Variants in CMC1 observed in about 807,000 individuals in gnomAD.
CMC1 encodes COX assembly mitochondrial protein homolog.
In CMC1, 14 loss-of-function variants were observed where a neutral mutation model predicts 14.1. The ratio of observed to expected loss-of-function variants is 0.99; its 90% CI spans 0.66 to 1.55. The LOEUF (loss-of-function observed/expected upper bound fraction) is 1.55, where lower values mean the gene tolerates loss of function less well. CMC1 is among the 40% of genes most tolerant of loss of function. The pLI, the probability that CMC1 is intolerant of heterozygous loss-of-function variation, is 0.00. For synonymous variants in CMC1, 50 were observed against 38.4 expected (o/e 1.30, Z -1.12); for missense variants, 127 against 123.8 (o/e 1.03, Z -0.12).
chr3:28,300,428 G>A (rs529891693), intron 2 of CMC1, among the ~76,000 whole-genome samples: 1 of 152,156 alleles, frequency 6.6e-6, no homozygotes, highest in East Asian at 1.9e-4. Flanking sequence ...GATACAGTAG[G>A]GTTCCCCACC....
intron 1 of CMC1, among the ~76,000 whole-genome samples, chr3:28,245,365 T>G (rs1358156237): frequency 6.6e-6 from 1 of 152,234 alleles, no homozygotes; most frequent in African/African-American, 2.4e-5. Flanking sequence ...ATGATTATAT[T>G]CTCAGATGAT....
intron 1 of CMC1, among the ~76,000 whole-genome samples, chr3:28,251,887 A>T (rs1472278254): frequency 6.6e-6 from 1 of 152,180 alleles, no homozygotes; most frequent in Non-Finnish European, 1.5e-5. Context: ...GTCATTTATT[A>T]CTTTCTCAAA....
intron 2 of CMC1, among the ~76,000 whole-genome samples, chr3:28,275,011 T>A (rs1003897801): frequency 1.3e-5 from 2 of 152,190 alleles, no homozygotes; most frequent in Non-Finnish European, 2.9e-5. Context: ...TCATGGTCCT[T>A]AGCTTATTTG....
intron 1 of CMC1, among the ~76,000 whole-genome samples, chr3:28,254,929 A>T (rs1699314609): frequency 6.6e-6 from 1 of 152,220 alleles, no homozygotes; most frequent in African/African-American, 2.4e-5. Flanking sequence ...TTGTGGAGAT[A>T]GTCTCAGTTT....
chr3:28,319,331 A>C (rs1195113630), intron 3 of CMC1, 178 bp from the exon 4 acceptor site: 1 of 663,214 alleles, frequency 1.5e-6, no homozygotes, highest in East Asian at 3.1e-5. Context: ...AAAATGAATG[A>C]TTTGGTCTTT....
At chr3:28,311,141 C>G (rs1417164296) in intron 2 of CMC1, among the ~76,000 whole-genome samples, 1 of 151,492 alleles carries the variant, frequency 6.6e-6, no homozygotes, top group Non-Finnish European at 1.5e-5. Flanking sequence ...TTTTATGGAT[C>G]TTTAGAAAAT....
intron 2 of CMC1, among the ~76,000 whole-genome samples, chr3:28,267,261 G>A (rs12107256): frequency 0.22 from 32,956 of 152,082 alleles, 3,731 homozygotes; most frequent in Middle Eastern, 0.28. Context: ...TCACTGAATT[G>A]TATAGTGTTT....
chr3:28,289,109 T>G (rs987083057), intron 2 of CMC1, among the ~76,000 whole-genome samples: 2 of 151,334 alleles, frequency 1.3e-5, no homozygotes, highest in East Asian at 1.9e-4. Context: ...TTCTTTGAGG[T>G]TTTTTTTAAG....
intron 2 of CMC1, among the ~76,000 whole-genome samples, chr3:28,282,061 TTC>T (rs1219120526): frequency 3.3e-5 from 5 of 152,326 alleles, no homozygotes; most frequent in Admixed American, 3.3e-4. Flanking sequence ...TTGAAATCTG[TTC>T]TTTCTACCTC....
chr3:28,246,729 G>A (rs756611884), intron 1 of CMC1, among the ~76,000 whole-genome samples: 3 of 151,100 alleles, frequency 2.0e-5, no homozygotes, highest in East Asian at 1.9e-4. Flanking sequence ...TAACTAATCT[G>A]TGGGAAGGTT....
intron 2 of CMC1, among the ~76,000 whole-genome samples, chr3:28,292,507 G>C (rs1376150869): frequency 6.6e-6 from 1 of 152,166 alleles, no homozygotes; most frequent in Admixed American, 6.6e-5. Context: ...TTATGATCAA[G>C]CCTAAGCTCT....
intron 1 of CMC1, among the ~76,000 whole-genome samples, chr3:28,260,780 A>T (rs1438520631): frequency 6.6e-6 from 1 of 152,048 alleles, no homozygotes; most frequent in Non-Finnish European, 1.5e-5. Flanking sequence ...AAATTTTGAT[A>T]TATTGTGTTT....
intron 1 of CMC1, among the ~76,000 whole-genome samples, chr3:28,258,816 G>A (rs1699573111): frequency 6.6e-6 from 1 of 151,598 alleles, no homozygotes; most frequent in Non-Finnish European, 1.5e-5. Context: ...GTAGAGACAG[G>A]GTTTCACTGT....
intron 2 of CMC1, chr3:28,297,067 CT>C (rs1701774614): frequency 6.6e-6 from 1 of 151,872 alleles, no homozygotes; most frequent in South Asian, 2.1e-4. Context: ...TTATTTGTTT[CT>C]TTGTTTAATT....
chr3:28,316,192 C>T (rs1193218700), intron 2 of CMC1, 141 bp from the exon 3 acceptor site: 1 of 515,518 alleles, frequency 1.9e-6, no homozygotes, highest in South Asian at 3.0e-5. Flanking sequence ...TTCAAGGCTG[C>T]AGTGAGCTAT....
intron 3 of CMC1, chr3:28,317,716 C>T (rs552826845): frequency 1.2e-4 from 19 of 152,024 alleles, no homozygotes; most frequent in African/African-American, 4.3e-4. Flanking sequence ...CTTAGCTAGT[C>T]GTGTTACCTT....
intron 2 of CMC1, among the ~76,000 whole-genome samples, chr3:28,311,008 G>A (rs1229486242): frequency 6.6e-6 from 1 of 152,226 alleles, no homozygotes; most frequent in Non-Finnish European, 1.5e-5. Flanking sequence ...ACCTCCTGCT[G>A]TCCCGCCCGG....
At chr3:28,305,695 A>G (rs1001185037) in intron 2 of CMC1, among the ~76,000 whole-genome samples, 3 of 149,910 alleles carry the variant, frequency 2.0e-5, no homozygotes, top group East Asian at 3.9e-4. Context: ...CCAATTGTCA[A>G]TCTTCTTTTT....
chr3:28,248,791 AT>A (rs904385093), intron 1 of CMC1, among the ~76,000 whole-genome samples: 3 of 151,760 alleles, frequency 2.0e-5, no homozygotes, highest in Non-Finnish European at 4.4e-5. Flanking sequence ...CTATTTTTGC[AT>A]TTTTTCTTTT....
Sources: allele counts gnomAD v4.1 joint callset (sites outside exome capture counted in the v4.1 genomes callset), GRCh38; gene constraint gnomAD v4.1.1; transcripts MANE v1.5; gene names NCBI Gene and HGNC (gene_info 2026-07-23, HGNC 2026-07-21).